PCDHGB5: variants seen among roughly 807,000 people sequenced by gnomAD.
PCDHGB5 encodes the protein protocadherin gamma subfamily B, 5.
A neutral mutation model predicts 62.9 loss-of-function variants in PCDHGB5; 48 were observed. The ratio of observed to expected loss-of-function variants is 0.76; its 90% CI spans 0.61 to 0.97. The LOEUF is 0.97. Ranked by LOEUF, PCDHGB5 falls within the 50% of genes least tolerant of loss-of-function variation. PCDHGB5 has a pLI of 0.00. For synonymous variants in PCDHGB5, 474 were observed against 511.2 expected (o/e 0.93, Z 0.98); for missense variants, 1,118 against 1,198.6 (o/e 0.93, Z 0.99).
chr5:141,431,867 A>C lies in PCDHGB5; in HGVS notation c.2397+31343A>C. On this transcript the variant is annotated intron_variant, in intron 1 of 3. Transcript: ENST00000617380. The surrounding 1 kb of genome is among the most constrained non-coding windows in gnomAD (Gnocchi z 4.8). ...CAGAGGGACATTAATTGCCCTTTTA[A>C]ATGTAAATGACCAAGATTCTGAGGA... 6.2e-7 allele frequency: 1 copy of C among 1,614,226 alleles called. No individual in the cohort carries two copies. Among genetic ancestry groups the C allele is most frequent in the Non-Finnish European group, 8.5e-7 (1 of 1,180,024 alleles).
chr5:141,471,254 T>A (rs1043647138), intron 1 of PCDHGB5: 1 of 151,828 alleles, frequency 6.6e-6, no homozygotes, highest in African/African-American at 2.4e-5. Flanking sequence ...TTTCACCATG[T>A]TGGCAAGGCT....
intron 1 of PCDHGB5, chr5:141,418,613 C>T (rs759701663): frequency 9.9e-6 from 16 of 1,613,892 alleles, no homozygotes; most frequent in Non-Finnish European, 1.4e-5. Context: ...GGTTAGCCTT[C>T]GGGAAGACGT....
chr5:141,509,086 A>T lies in PCDHGB5; in HGVS notation c.2546-1861A>T, dbSNP rs147084289. On this transcript the variant is annotated intron_variant, in intron 3 of 3. Coordinates refer to ENST00000617380, the MANE Select transcript of PCDHGB5 (RefSeq NM_018925.3). ...CAGCTCCGGGGATTTGCGACATGAAATGGGGGCTGTAGAAACCTGAGCGCT... is the reference window on the plus strand; with the variant it reads ...CAGCTCCGGGGATTTGCGACATGAATTGGGGGCTGTAGAAACCTGAGCGCT... 8.3e-3 allele frequency among the ~76,000 whole-genome samples: 1,261 copies of T among 152,228 alleles called. 7 individuals are homozygous for T. Among genetic ancestry groups the T allele is most frequent in the Middle Eastern group, 0.037 (11 of 294 alleles).
rs752660585 is a variant in PCDHGB5 at position 141,400,337 on chromosome 5, C to A, written c.2210C>A (p.Pro737His). The A allele has an allele frequency of 6.6e-5, 106 of 1,613,962 alleles. No homozygotes were observed. The Admixed American group carries it at 1.7e-3, about 26-fold the overall frequency. ...LCVKSGPVVP[P>H]NYSQGTLPYS... ...GTCAAGTCTGGACCTGTGGTTCCCC[C>A]CAACTACAGTCAGGGGACTTTGCCT... The change falls in exon 1 of 4, where the codon CCC (proline) becomes CAC (histidine). Residue 737 changes from proline (P) to histidine (H), a missense_variant. By Grantham distance (77) the Pro-to-His change is moderately conservative. Transcript: ENST00000617380.
chr5:141,417,721 C>A, intron 1 of PCDHGB5: 2 of 1,330,572 alleles, frequency 1.5e-6, no homozygotes, highest in Non-Finnish European at 2.0e-6. Context: ...CCCGGCTGCG[C>A]AGACCTTGCC....
At chr5:141,458,567 TTTTGTTTG>T (rs144471304) in intron 1 of PCDHGB5, among the ~76,000 whole-genome samples, 1 of 151,488 alleles carries the variant, frequency 6.6e-6, no homozygotes, top group Non-Finnish European at 1.5e-5. Flanking sequence ...GGTTTTGGGT[TTTTGTTTG>T]TTTGTTTGTT....
intron 1 of PCDHGB5, among the ~76,000 whole-genome samples, chr5:141,481,309 T>C (rs577046585): frequency 2.6e-4 from 39 of 152,310 alleles, no homozygotes; most frequent in African/African-American, 9.1e-4. Context: ...GGAAAAACCT[T>C]CCTAAAGCAC....
In PCDHGB5 at chr5:141,512,501, G is replaced by A. The variant is rs1474842711; in HGVS notation, c.*1328G>A. The A allele has an allele frequency of 6.5e-6, 1 of 152,914 alleles. No homozygotes were observed. The highest frequency in any genetic ancestry group is 1.5e-5 in the Non-Finnish European group (1 of 68,258). The allele number at this position is 152,914 out of a possible 1,614,324, so 9.5% of individuals were successfully genotyped here. On this transcript the variant is annotated 3_prime_UTR_variant, in exon 4 of 4. Transcript: ENST00000617380. The stretch of plus-strand genomic sequence containing the variant: ...GAAGGCCACTGCCCAGGTCCCCAGT[G>A]CGCCCCCTAGTGGCCATAGCCTGGT...
Position 141,486,000 on chromosome 5 carries a change from A to G in PCDHGB5, c.2398-8807A>G. 1 of 1,614,194 alleles carries G rather than the reference A, an allele frequency of 6.2e-7. No individual in the cohort carries two copies. Among genetic ancestry groups the G allele is most frequent in the Non-Finnish European group, 8.5e-7 (1 of 1,180,034 alleles). On this transcript the variant is annotated intron_variant, in intron 1 of 3. Transcript: ENST00000617380. The surrounding 1 kb of genome is among the most constrained non-coding windows in gnomAD (Gnocchi z 5.7). ...GACCCGGACCTGGGTCCCAGTGGTA[A>G]CGTCACCTTTTATTTCAGTGGTCAT...
At chr5:141,466,556 T>C (rs1398776914) in intron 1 of PCDHGB5, among the ~76,000 whole-genome samples, 1 of 152,222 alleles carries the variant, frequency 6.6e-6, no homozygotes, top group Non-Finnish European at 1.5e-5. Context: ...TGCTGTGGGC[T>C]TCATCTTCAA....
At chr5:141,461,981 G>A (rs755173695) in intron 1 of PCDHGB5, among the ~76,000 whole-genome samples, 4 of 152,078 alleles carry the variant, frequency 2.6e-5, no homozygotes, top group Non-Finnish European at 5.9e-5. Context: ...ATGCCACCAC[G>A]CCAGGCTAAT....
chr5:141,429,476 A>T (rs1279691939), intron 1 of PCDHGB5, among the ~76,000 whole-genome samples: 1 of 152,112 alleles, frequency 6.6e-6, no homozygotes, highest in Non-Finnish European at 1.5e-5. Flanking sequence ...CAATCTCCAG[A>T]GTAGCTGAGA....
intron 1 of PCDHGB5, among the ~76,000 whole-genome samples, chr5:141,469,923 G>A (rs1251812588): frequency 1.3e-5 from 2 of 152,200 alleles, no homozygotes; most frequent in Non-Finnish European, 2.9e-5. Flanking sequence ...CCGAGGTCAG[G>A]AGTTTGAGAC....
rs760509503 is a variant in PCDHGB5 at position 141,432,756 on chromosome 5, A to T, written c.2397+32232A>T. The T allele has an allele frequency of 5.6e-6, 9 of 1,613,958 alleles. No homozygotes were observed. Among genetic ancestry groups the T allele is most frequent in the Non-Finnish European group, 7.6e-6 (9 of 1,179,994 alleles). On this transcript the variant is annotated intron_variant, in intron 1 of 3. Transcript: ENST00000617380. This position sits in a 1 kb window ranked among gnomAD's most constrained non-coding sequence, Gnocchi z 6.0. ...GTCACGCTCACCGTGGCCGTGGCCG[A>T]CAGCATCCCCCAAGTCCTGGCGGAC...
rs1487270083 is a variant in PCDHGB5, at chr5:141,402,944, G to T, written c.2397+2420G>T. ...GATCCTTTTGAGAAAATTCCAAAGC[G>T]AGGCAGCAATGGCAGCTCCAACCAA... is the stretch of plus-strand genomic sequence containing the variant. On this transcript the variant is annotated intron_variant, in intron 1 of 3. Transcript: ENST00000617380. The T allele has an allele frequency of 3.8e-6, 6 of 1,592,018 alleles. No individual in the cohort carries two copies. The African/African-American group carries it at 8.1e-5, about 22-fold the overall frequency.
chr5:141,405,400 T>C (rs986034251), intron 1 of PCDHGB5: 3 of 1,590,732 alleles, frequency 1.9e-6, no homozygotes, highest in Non-Finnish European at 2.6e-6. Flanking sequence ...TTTTCTTTCT[T>C]TCTTTTCTTT....
chr5:141,434,938 A>G (rs938787407), intron 1 of PCDHGB5, among the ~76,000 whole-genome samples: 2 of 151,738 alleles, frequency 1.3e-5, no homozygotes, highest in Admixed American at 1.3e-4. Flanking sequence ...TATATAATAG[A>G]TATAATTTAT....
chr5:141,447,942 T>C (rs1476141059), intron 1 of PCDHGB5, among the ~76,000 whole-genome samples: 2 of 151,740 alleles, frequency 1.3e-5, no homozygotes, highest in African/African-American at 4.8e-5. Context: ...AAAAATTAGC[T>C]GGGCATGGTG....
intron 1 of PCDHGB5, chr5:141,410,848 T>TA: frequency 1.9e-5 from 7 of 365,918 alleles, no homozygotes; most frequent in Non-Finnish European, 3.2e-5. Context: ...TTTGTCTTTG[T>TA]CTTTTTTTTT....
Sources: allele counts gnomAD v4.1 joint callset (sites outside exome capture counted in the v4.1 genomes callset), GRCh38; gene constraint gnomAD v4.1.1; non-coding constraint Gnocchi (gnomAD v3.1); transcripts MANE v1.5; gene names NCBI Gene and HGNC (gene_info 2026-07-23, HGNC 2026-07-21).